Variants in TRDN observed in about 807,000 individuals in gnomAD.
TRDN encodes the protein triadin.
A neutral mutation model predicts 149.7 loss-of-function variants in TRDN; 161 were observed. That is an observed-to-expected ratio of 1.08 (90% CI 0.95 to 1.23). The LOEUF (loss-of-function observed/expected upper bound fraction) is 1.23, where lower values mean the gene tolerates loss of function less well. TRDN is among the 50% of genes most tolerant of loss of function. TRDN has a pLI of 0.00. For synonymous variants in TRDN, 294 were observed against 250.5 expected (o/e 1.17, Z -1.64); for missense variants, 896 against 823.5 (o/e 1.09, Z -1.08).
At chr6:123,481,183 T>C (rs1459919070) in intron 9 of TRDN, among the ~76,000 whole-genome samples, 1 of 152,132 alleles carries the variant, frequency 6.6e-6, no homozygotes, top group African/African-American at 2.4e-5. Flanking sequence ...ATTTTGGTGA[T>C]AAACCATTTG....
chr6:123,542,884 G>GTGTC (rs1011527854), intron 4 of TRDN, among the ~76,000 whole-genome samples: 3 of 148,878 alleles, frequency 2.0e-5, no homozygotes, highest in Admixed American at 6.7e-5. Flanking sequence ...GTGTGTGTGT[G>GTGTC]TGTCTGTCTG....
At chr6:123,238,774 T>C (rs1360060727) in intron 38 of TRDN, among the ~76,000 whole-genome samples, 2 of 152,126 alleles carry the variant, frequency 1.3e-5, no homozygotes, top group Non-Finnish European at 2.9e-5. Flanking sequence ...TCAGATAAAA[T>C]ATTAACCAAA....
At chr6:123,540,508 G>A (rs1432657580) in intron 4 of TRDN, among the ~76,000 whole-genome samples, 5 of 152,016 alleles carry the variant, frequency 3.3e-5, no homozygotes, top group Non-Finnish European at 2.9e-5. Flanking sequence ...CACTTGAACA[G>A]AAAAAGTGTT....
chr6:123,421,207 A>C (rs1190991508), intron 12 of TRDN, among the ~76,000 whole-genome samples: 1 of 152,174 alleles, frequency 6.6e-6, no homozygotes, highest in Non-Finnish European at 1.5e-5. Flanking sequence ...CTCTCCTCTC[A>C]ATCTGCCACG....
intron 23 of TRDN, among the ~76,000 whole-genome samples, chr6:123,328,361 C>G (rs2114721111): frequency 6.6e-6 from 1 of 152,332 alleles, no homozygotes; most frequent in South Asian, 2.1e-4. Context: ...CCCAAATGAC[C>G]ACACACCCCC....
At chr6:123,362,457 A>C (rs1780941776) in intron 20 of TRDN, among the ~76,000 whole-genome samples, 1 of 152,144 alleles carries the variant, frequency 6.6e-6, no homozygotes. Context: ...GTTTATATTA[A>C]TTCCTACAAT....
intron 23 of TRDN, among the ~76,000 whole-genome samples, chr6:123,330,546 T>C (rs529764160): frequency 1.4e-4 from 21 of 152,092 alleles, no homozygotes; most frequent in Admixed American, 6.6e-4. Context: ...AACTCTCTCA[T>C]AAAAGCCGAT....
chr6:123,464,321 T>G, intron 10 of TRDN: 3 of 983,348 alleles, frequency 3.1e-6, no homozygotes, highest in Non-Finnish European at 2.4e-6. Context: ...ATTAGTAGTA[T>G]TAACCACCAG....
intron 1 of TRDN, among the ~76,000 whole-genome samples, chr6:123,633,578 C>T (rs1318470442): frequency 1.3e-5 from 2 of 152,014 alleles, no homozygotes; most frequent in African/African-American, 4.8e-5. Flanking sequence ...TGCTTGACAT[C>T]TTATGTCTTC....
chr6:123,494,150 T>C (rs762656446), intron 9 of TRDN, among the ~76,000 whole-genome samples: 9 of 152,200 alleles, frequency 5.9e-5, no homozygotes, highest in Non-Finnish European at 1.3e-4. Flanking sequence ...CAATTAATGG[T>C]ACAAAGAAAT....
intron 24 of TRDN, among the ~76,000 whole-genome samples, chr6:123,307,311 A>G (rs1159143225): frequency 1.3e-5 from 2 of 152,064 alleles, no homozygotes; most frequent in Non-Finnish European, 2.9e-5. Flanking sequence ...CATCTAGAGT[A>G]TGTATTCCAA....
chr6:123,628,007 T>C (rs1388859921), intron 1 of TRDN, among the ~76,000 whole-genome samples: 1 of 152,198 alleles, frequency 6.6e-6, no homozygotes, highest in African/African-American at 2.4e-5. Context: ...TTGGATCTTC[T>C]ATCCAGACCA....
At chr6:123,498,494 T>A (rs1778542362) in intron 8 of TRDN, 1 of 468,228 alleles carries the variant, frequency 2.1e-6, no homozygotes, top group Non-Finnish European at 4.4e-6. Context: ...AAAATTTAGA[T>A]GTATTTTAGT....
chr6:123,361,212 G>A (rs976150769), intron 20 of TRDN, among the ~76,000 whole-genome samples: 2 of 152,078 alleles, frequency 1.3e-5, no homozygotes, highest in Non-Finnish European at 2.9e-5. Context: ...ATAAAAAAAC[G>A]ATGAGTTCAT....
At chr6:123,491,461 T>C (rs905178976) in intron 9 of TRDN, among the ~76,000 whole-genome samples, 12 of 152,154 alleles carry the variant, frequency 7.9e-5, no homozygotes, top group African/African-American at 1.7e-4. Context: ...AAACATTTTG[T>C]TTTACTATAT....
intron 10 of TRDN, among the ~76,000 whole-genome samples, chr6:123,446,692 T>A (rs1262756193): frequency 6.6e-6 from 1 of 151,272 alleles, no homozygotes; most frequent in Non-Finnish European, 1.5e-5. Context: ...GTAGGGCAGA[T>A]CTCCTAGAAT....
intron 10 of TRDN, chr6:123,456,811 A>G (rs2114677379): frequency 1.3e-5 from 6 of 455,992 alleles, no homozygotes; most frequent in South Asian, 9.3e-5. Context: ...TGTAAAATAC[A>G]CTTGGTCTTG....
At chr6:123,629,846 A>C (rs375425062) in intron 1 of TRDN, among the ~76,000 whole-genome samples, 3 of 152,060 alleles carry the variant, frequency 2.0e-5, no homozygotes, top group South Asian at 2.1e-4. Context: ...TATTCATTGC[A>C]CATTTGCCAA....
At chr6:123,599,073 A>C (rs371173767) in intron 1 of TRDN, among the ~76,000 whole-genome samples, 1 of 152,136 alleles carries the variant, frequency 6.6e-6, no homozygotes, top group East Asian at 1.9e-4. Context: ...TGCAGTACTT[A>C]GCAATATGTC....
Sources: allele counts gnomAD v4.1 joint callset (sites outside exome capture counted in the v4.1 genomes callset), GRCh38; gene constraint gnomAD v4.1.1; transcripts MANE v1.5; gene names NCBI Gene and HGNC (gene_info 2026-07-23, HGNC 2026-07-21).